ZDHHC14: variants seen among roughly 807,000 people sequenced by gnomAD.
ZDHHC14 encodes zDHHC palmitoyltransferase 14, also known as palmitoyltransferase ZDHHC14.
In ZDHHC14, 16 loss-of-function variants were observed where a neutral mutation model predicts 47.7. The observed-to-expected ratio is 0.34, with a 90% CI of 0.23 to 0.51. The LOEUF is 0.51. ZDHHC14 is among the 20% of genes least tolerant of loss of function. The probability of loss-of-function intolerance (pLI) is 0.97; values close to 1 mark genes in which losing one functional copy is unlikely to be tolerated. For missense variants in ZDHHC14, 515 were observed against 662.5 expected, an observed-to-expected ratio of 0.78 and a Z score of 2.44; for synonymous variants, 293 against 278.9, an observed-to-expected ratio of 1.05 and a Z score of -0.50.
At chr6:157,384,706 G>T (rs1162627180) in intron 1 of ZDHHC14, among the ~76,000 whole-genome samples, 4 of 152,294 alleles carry the variant, frequency 2.6e-5, no homozygotes, top group African/African-American at 9.6e-5. Flanking sequence ...TCACTGTATT[G>T]CTTTCAAATT....
At chr6:157,506,631 G>A (rs1286906322) in intron 1 of ZDHHC14, among the ~76,000 whole-genome samples, 1 of 152,196 alleles carries the variant, frequency 6.6e-6, no homozygotes, top group Non-Finnish European at 1.5e-5. Flanking sequence ...TTATTAATTT[G>A]CTTCTGCTGT....
intron 1 of ZDHHC14, among the ~76,000 whole-genome samples, chr6:157,435,943 G>A (rs1778432569): frequency 6.6e-6 from 1 of 152,176 alleles, no homozygotes; most frequent in Non-Finnish European, 1.5e-5. Context: ...ATAGAGGGCT[G>A]GGGTGGGTAG....
At chr6:157,405,301 C>T (rs929596750) in intron 1 of ZDHHC14, among the ~76,000 whole-genome samples, 17 of 152,130 alleles carry the variant, frequency 1.1e-4, no homozygotes, top group Admixed American at 6.5e-4. Context: ...GGCGCGATCT[C>T]GGTTCACTGC....
intron 3 of ZDHHC14, among the ~76,000 whole-genome samples, chr6:157,597,058 C>T (rs956687375): frequency 6.6e-6 from 1 of 152,190 alleles, no homozygotes; most frequent in Non-Finnish European, 1.5e-5. Flanking sequence ...GACTGTCTCT[C>T]TGGTTCTCTG....
intron 1 of ZDHHC14, among the ~76,000 whole-genome samples, chr6:157,459,524 G>A (rs1380973494): frequency 1.3e-5 from 2 of 152,102 alleles, no homozygotes; most frequent in African/African-American, 2.4e-5. Flanking sequence ...ACGTGTGGGC[G>A]GCCCTCGCTG....
chr6:157,509,093 G>A (rs1159653410), intron 1 of ZDHHC14, among the ~76,000 whole-genome samples: 1 of 152,110 alleles, frequency 6.6e-6, no homozygotes, highest in African/African-American at 2.4e-5. Flanking sequence ...CAGCAGTGGG[G>A]AGAGTCTTCC....
intron 3 of ZDHHC14, among the ~76,000 whole-genome samples, chr6:157,594,322 G>T (rs2114895207): frequency 6.6e-6 from 1 of 152,228 alleles, no homozygotes; most frequent in South Asian, 2.1e-4. Flanking sequence ...TTTCAGCCTT[G>T]CCTCCCCAAC....
chr6:157,407,929 C>G (rs545991172), intron 1 of ZDHHC14, among the ~76,000 whole-genome samples: 2 of 152,126 alleles, frequency 1.3e-5, no homozygotes, highest in Non-Finnish European at 2.9e-5. Flanking sequence ...TTTTAAAATG[C>G]GAGTCCTCTA....
chr6:157,426,543 C>T (rs1477380244), intron 1 of ZDHHC14, among the ~76,000 whole-genome samples: 3 of 152,110 alleles, frequency 2.0e-5, no homozygotes, highest in Non-Finnish European at 4.4e-5. Flanking sequence ...GGGAGAAGCG[C>T]ACCAGCTCGC....
chr6:157,672,870 A>G lies in ZDHHC14; in HGVS notation c.1215A>G (p.Thr405=), dbSNP rs201483178. The change falls in exon 9 of 9, where the codon ACA becomes ACG. Residue 405 remains threonine, a synonymous_variant. Coordinates refer to ENST00000359775, the MANE Select transcript of ZDHHC14 (RefSeq NM_024630.3). ...TGGGCACGCCCTGCGCCAGCCTCAC[A>G]CTGGGCCCGCCCACACCGCCCGCCT... ...PGLGTPCASL[T]LGPPTPPASM... 6.2e-7 allele frequency: 1 copy of G among 1,608,534 alleles called. No individual in the cohort carries two copies. Among genetic ancestry groups the G allele is most frequent in the Non-Finnish European group, 8.5e-7 (1 of 1,178,370 alleles).
intron 1 of ZDHHC14, among the ~76,000 whole-genome samples, chr6:157,413,051 A>G (rs1354641520): frequency 6.6e-6 from 1 of 152,194 alleles, no homozygotes; most frequent in Non-Finnish European, 1.5e-5. Context: ...AGACTTCAGG[A>G]ATAGTCTTGG....
At chr6:157,660,131 C>T (rs1212086365) in intron 8 of ZDHHC14, among the ~76,000 whole-genome samples, 1 of 151,992 alleles carries the variant, frequency 6.6e-6, no homozygotes, top group African/African-American at 2.4e-5. Flanking sequence ...GAGTAACTCG[C>T]TCACAGTCAC....
chr6:157,560,245 G>A (rs1782652867), intron 2 of ZDHHC14, among the ~76,000 whole-genome samples: 1 of 152,160 alleles, frequency 6.6e-6, no homozygotes, highest in African/African-American at 2.4e-5. Context: ...AAGCGGGGCC[G>A]ACTGTTGCCA....
intron 1 of ZDHHC14, among the ~76,000 whole-genome samples, chr6:157,472,661 T>G (rs1215376455): frequency 6.6e-6 from 1 of 152,184 alleles, no homozygotes; most frequent in Non-Finnish European, 1.5e-5. Context: ...TGCTACTTTT[T>G]GTATGAAAGG....
At chr6:157,659,424 C>T (rs142511757) in intron 8 of ZDHHC14, among the ~76,000 whole-genome samples, 2,959 of 152,288 alleles carry the variant, frequency 0.019, 48 homozygotes, top group Non-Finnish European at 0.03. Context: ...GAGAAATACG[C>T]GTACCAATTA....
At chr6:157,662,927 A>C (rs930592664) in intron 8 of ZDHHC14, among the ~76,000 whole-genome samples, 3 of 152,256 alleles carry the variant, frequency 2.0e-5, no homozygotes, top group African/African-American at 7.2e-5. Context: ...TGAATGTGTT[A>C]ACTTCATTAA....
At chr6:157,518,517 A>C (rs1780784056) in intron 1 of ZDHHC14, among the ~76,000 whole-genome samples, 1 of 152,150 alleles carries the variant, frequency 6.6e-6, no homozygotes, top group Non-Finnish European at 1.5e-5. Context: ...AATCTGTAGA[A>C]GACCAGGGAG....
chr6:157,388,578 C>T (rs1268857123), intron 1 of ZDHHC14, among the ~76,000 whole-genome samples: 1 of 152,170 alleles, frequency 6.6e-6, no homozygotes, highest in Non-Finnish European at 1.5e-5. Context: ...GAATTTGGAT[C>T]TAATAAAATG....
chr6:157,409,110 A>G (rs747550746), intron 1 of ZDHHC14, among the ~76,000 whole-genome samples: 1 of 152,246 alleles, frequency 6.6e-6, no homozygotes, highest in Non-Finnish European at 1.5e-5. Flanking sequence ...TGCCCTAACG[A>G]GCTGCAAGGA....
Sources: allele counts gnomAD v4.1 joint callset (sites outside exome capture counted in the v4.1 genomes callset), GRCh38; gene constraint gnomAD v4.1.1; transcripts MANE v1.5; gene names NCBI Gene and HGNC (gene_info 2026-07-23, HGNC 2026-07-21).